The following CNKSR3 variants were observed in gnomAD, a reference collection of about 807,000 sequenced individuals.
The protein encoded by CNKSR3 is connector enhancer of kinase suppressor of ras 3.
CNKSR3 carries 36 observed loss-of-function variants against 67.7 expected under a neutral mutation model. The ratio of observed to expected loss-of-function variants is 0.53; its 90% confidence interval spans 0.41 to 0.70. The LOEUF is 0.70. Among genes scored for constraint, CNKSR3 ranks in the 30% least tolerant of loss-of-function variants. CNKSR3 has a pLI of 0.00. For missense variants in CNKSR3, 630 were observed against 695.2 expected (o/e 0.91, Z 1.05); for synonymous variants, 281 against 271.4 (o/e 1.04, Z -0.35).
intron 12 of CNKSR3, among the ~76,000 whole-genome samples, chr6:154,406,910 G>A (rs966267426): frequency 1.7e-4 from 25 of 150,690 alleles, no homozygotes; most frequent in African/African-American, 5.9e-4. Flanking sequence ...CCAAGATCGC[G>A]CCACTGCACT....
At position 154,509,505 on chromosome 6, in the gene CNKSR3, C is replaced by T. The variant is rs78379758; in HGVS notation, c.52+558G>A. ...GTCCTGGCTCGAGGTTTCTCCCTGG[C>T]GCAAATGCTATGGTGTTGGCTTTTG... On this transcript the variant is annotated intron_variant, in intron 1 of 12. Coordinates refer to ENST00000607772, the MANE Select transcript of CNKSR3 (RefSeq NM_173515.4). Among the ~76,000 whole-genome samples, 1,356 of 150,478 alleles carry T rather than the reference C, an allele frequency of 9.0e-3. 29 individuals are homozygous for T. The highest frequency in any genetic ancestry group is 0.031 in the African/African-American group (1,273 of 41,558).
At chr6:154,432,007 C>T (rs1785378353) in intron 5 of CNKSR3, among the ~76,000 whole-genome samples, 1 of 152,062 alleles carries the variant, frequency 6.6e-6, no homozygotes, top group Non-Finnish European at 1.5e-5. Context: ...TTTTCAACTC[C>T]TTTGGGTAAA....
At chr6:154,481,273 T>C (rs1786561765) in intron 1 of CNKSR3, among the ~76,000 whole-genome samples, 2 of 152,242 alleles carry the variant, frequency 1.3e-5, no homozygotes, top group South Asian at 2.1e-4. Context: ...ATTTATTTGA[T>C]AGCAGTCTTA....
At position 154,430,577 on chromosome 6, in the gene CNKSR3, A is replaced by ATT; in HGVS notation, c.562_563dup (p.Asn188LysfsTer16). ...ATCGGATTGTTTTGTCACAGATGCC[A>ATT]TTTAAAACCTTGACCTAGAATTGGA... On this transcript the variant is annotated frameshift_variant, in exon 6 of 13. Transcript: ENST00000607772. LOFTEE classifies it high-confidence loss of function. 6.2e-7 allele frequency: 1 copy of ATT among 1,610,588 alleles called. No individual in the cohort carries two copies. The highest frequency in any genetic ancestry group is 1.1e-5 in the South Asian group (1 of 90,278).
intron 1 of CNKSR3, among the ~76,000 whole-genome samples, chr6:154,452,973 C>T (rs1353843502): frequency 6.6e-6 from 1 of 152,168 alleles, no homozygotes; most frequent in Non-Finnish European, 1.5e-5. Context: ...GTTATGGCAG[C>T]CGAAGCAACA....
At chr6:154,462,171 C>T (rs1329946350) in intron 1 of CNKSR3, among the ~76,000 whole-genome samples, 1 of 152,168 alleles carries the variant, frequency 6.6e-6, no homozygotes, top group Non-Finnish European at 1.5e-5. Flanking sequence ...ACCCTAACCA[C>T]AATCAATTTT....
At chr6:154,460,418 C>T (rs914405619) in intron 1 of CNKSR3, among the ~76,000 whole-genome samples, 1 of 152,144 alleles carries the variant, frequency 6.6e-6, no homozygotes, top group Non-Finnish European at 1.5e-5. Flanking sequence ...AAGCATATAC[C>T]TATATCTCAC....
chr6:154,503,609 T>C (rs901560208), intron 1 of CNKSR3, among the ~76,000 whole-genome samples: 4 of 148,394 alleles, frequency 2.7e-5, no homozygotes, highest in African/African-American at 1.0e-4. Flanking sequence ...CTTTCTAACC[T>C]GGGCAAGAGA....
rs185800259 is a variant in CNKSR3, at chr6:154,389,721, T to A, written c.*16633A>T. 6.6e-5 allele frequency: 10 copies of A among 152,310 alleles called. No homozygotes were observed. The highest frequency in any genetic ancestry group is 1.0e-4 in the Non-Finnish European group (7 of 68,022). 9.4% of individuals were successfully genotyped at this position (152,310 alleles called of 1,614,324 possible). On this transcript the variant is annotated 3_prime_UTR_variant, in exon 13 of 13. Coordinates refer to ENST00000607772, the MANE Select transcript of CNKSR3 (RefSeq NM_173515.4). ...AAAGTTGCATAATACAAAATCAACA[T>A]ACAAAAATCAGTTGCGATTTCTATA... is the stretch of plus-strand genomic sequence containing the variant.
chr6:154,493,405 TTTCA>T (rs565310619), intron 1 of CNKSR3, among the ~76,000 whole-genome samples: 1 of 152,208 alleles, frequency 6.6e-6, no homozygotes, highest in Non-Finnish European at 1.5e-5. Context: ...CTGCTGTCTC[TTTCA>T]TTCATTGCCA....
At chr6:154,457,199 G>A (rs998103493) in intron 1 of CNKSR3, among the ~76,000 whole-genome samples, 5 of 152,114 alleles carry the variant, frequency 3.3e-5, no homozygotes, top group African/African-American at 1.2e-4. Flanking sequence ...ATGATTAATG[G>A]AGGGAGCAAG....
chr6:154,471,818 C>T (rs188511246), intron 1 of CNKSR3, among the ~76,000 whole-genome samples: 2 of 152,198 alleles, frequency 1.3e-5, no homozygotes, highest in Admixed American at 1.3e-4. Context: ...GAGACCCTGC[C>T]ATAACGCTTC....
At position 154,399,371 on chromosome 6, in the gene CNKSR3, G is replaced by C. The variant is rs6557350; in HGVS notation, c.*6983C>G. The stretch of plus-strand genomic sequence containing the variant: ...AACATCTCTTAAATGCTGTGTGCCA[G>C]ACTATGCGAAGAAAGGGCCTTAAAA... On this transcript the variant is annotated 3_prime_UTR_variant, in exon 13 of 13. Transcript: ENST00000607772. The C allele has an allele frequency of 0.3, 46,184 of 152,028 alleles. 7,468 individuals carry two copies. Among genetic ancestry groups the C allele is most frequent in the East Asian group, 0.52 (2,665 of 5,150 alleles). The allele number at this position is 152,028 out of a possible 1,614,324, so 9.4% of individuals were successfully genotyped here.
intron 4 of CNKSR3, among the ~76,000 whole-genome samples, chr6:154,437,413 T>A (rs1785493769): frequency 7.0e-6 from 1 of 143,056 alleles, no homozygotes; most frequent in African/African-American, 2.7e-5. Context: ...CTATGTTCTT[T>A]TTTTTTTTTT....
At chr6:154,436,959 T>C (rs189914343) in intron 4 of CNKSR3, among the ~76,000 whole-genome samples, 2 of 152,126 alleles carry the variant, frequency 1.3e-5, no homozygotes, top group East Asian at 1.9e-4. Context: ...ATCCTTCAAA[T>C]TAGAGGACTC....
At chr6:154,475,165 G>A (rs189899187) in intron 1 of CNKSR3, among the ~76,000 whole-genome samples, 10 of 152,284 alleles carry the variant, frequency 6.6e-5, no homozygotes, top group African/African-American at 2.2e-4. Context: ...AACTGGTCTT[G>A]AGGTCCAGGC....
At chr6:154,503,776 TA>T (rs1321651529) in intron 1 of CNKSR3, among the ~76,000 whole-genome samples, 2 of 152,196 alleles carry the variant, frequency 1.3e-5, no homozygotes, top group Non-Finnish European at 2.9e-5. Context: ...GCACACACCG[TA>T]AGACTGGTTT....
At chr6:154,412,902 C>G (rs1354012126) in intron 10 of CNKSR3, among the ~76,000 whole-genome samples, 1 of 152,056 alleles carries the variant, frequency 6.6e-6, no homozygotes, top group Non-Finnish European at 1.5e-5. Flanking sequence ...TCTGTAGGGT[C>G]AAAGACCGAG....
Position 154,393,977 on chromosome 6 carries a change from C to G in CNKSR3, c.*12377G>C, listed in dbSNP as rs1156307172. The G allele has an allele frequency of 6.6e-6, 1 of 152,302 alleles. No homozygotes were observed. Among genetic ancestry groups the G allele is most frequent in the African/African-American group, 2.4e-5 (1 of 41,550 alleles). 9.4% of individuals were successfully genotyped at this position (152,302 alleles called of 1,614,324 possible). On this transcript the variant is annotated 3_prime_UTR_variant, in exon 13 of 13. Coordinates refer to ENST00000607772, the MANE Select transcript of CNKSR3 (RefSeq NM_173515.4). ...AGAGACCACTCATCCTGACCAATAT[C>G]ACTCTCCCAACCTTCCTTGAAGTTG...
Sources: allele counts gnomAD v4.1 joint callset (sites outside exome capture counted in the v4.1 genomes callset), GRCh38; gene constraint gnomAD v4.1.1; transcripts MANE v1.5; gene names NCBI Gene and HGNC (gene_info 2026-07-23, HGNC 2026-07-21).